Variants in PPP2R5C observed in about 807,000 individuals in gnomAD.
PPP2R5C encodes the protein serine/threonine-protein phosphatase 2A 56 kDa regulatory subunit gamma isoform.
PPP2R5C carries 7 observed loss-of-function variants against 68.9 expected under a neutral mutation model. That is an observed-to-expected ratio of 0.10 (90% CI 0.06 to 0.19). The LOEUF is 0.19. PPP2R5C is among the 10% of genes least tolerant of loss of function. PPP2R5C has a pLI of 1.00. For synonymous variants in PPP2R5C, 210 were observed against 222.2 expected, an observed-to-expected ratio of 0.95 and a Z score of 0.49; for missense variants, 348 against 641.3, an observed-to-expected ratio of 0.54 and a Z score of 4.94.
chr14:101,780,509 C>T (rs1438463241), intron 2 of PPP2R5C, among the ~76,000 whole-genome samples: 1 of 152,158 alleles, frequency 6.6e-6, no homozygotes, highest in African/African-American at 2.4e-5. Context: ...TGTAACAGGG[C>T]CCACAGCAGA....
At chr14:101,771,501 C>T (rs185732208) in intron 2 of PPP2R5C, among the ~76,000 whole-genome samples, 4 of 152,154 alleles carry the variant, frequency 2.6e-5, no homozygotes, top group Admixed American at 6.5e-5. Context: ...GAGGCCCAGG[C>T]GGGTGGATCA....
At position 101,899,911 on chromosome 14, in the gene PPP2R5C, T is replaced by C. The variant is rs2045579292; in HGVS notation, c.853-1808T>C. 6.6e-6 allele frequency among the ~76,000 whole-genome samples: 1 copy of C among 151,996 alleles called. No individual in the cohort carries two copies. Among genetic ancestry groups the C allele is most frequent in the African/African-American group, 2.4e-5 (1 of 41,392 alleles). ...TTATTTTTATTTGGCTCTTTTGGGG[T>C]TTTTGTTTGTTTGTTAGATTCTTGG... On this transcript the variant is annotated intron_variant, in intron 8 of 13. Transcript: ENST00000334743. This position sits in a 1 kb window ranked among gnomAD's most constrained non-coding sequence, Gnocchi z 4.2.
At chr14:101,823,980 ATTAAC>A in intron 1 of PPP2R5C, 1 of 1,289,086 alleles carries the variant, frequency 7.8e-7, no homozygotes. Flanking sequence ...TATGGATGAA[ATTAAC>A]TTATCTGAGC....
intron 5 of PPP2R5C, among the ~76,000 whole-genome samples, chr14:101,889,097 A>G (rs1414536281): frequency 6.6e-6 from 1 of 152,244 alleles, no homozygotes; most frequent in Non-Finnish European, 1.5e-5. Context: ...GAACATAGAA[A>G]TGTTAAGACC....
chr14:101,823,350 T>C (rs922310593), intron 1 of PPP2R5C, among the ~76,000 whole-genome samples: 7 of 152,188 alleles, frequency 4.6e-5, no homozygotes, highest in Admixed American at 2.6e-4. Context: ...TTTGATTTAT[T>C]TTGTATTATC....
intron 1 of PPP2R5C, among the ~76,000 whole-genome samples, chr14:101,822,773 G>A (rs531679902): frequency 6.6e-5 from 10 of 152,176 alleles, no homozygotes; most frequent in African/African-American, 1.7e-4. Flanking sequence ...AATCTTATGC[G>A]TCATTTAAAT....
chr14:101,845,100 C>G (rs1300058656), intron 1 of PPP2R5C, among the ~76,000 whole-genome samples: 3 of 151,636 alleles, frequency 2.0e-5, no homozygotes, highest in African/African-American at 7.3e-5. Context: ...ATCTTTATCC[C>G]TAGGAGTTTG....
At chr14:101,927,430 A>G (rs994843562) in exon 14 of PPP2R5C, 1 of 152,666 alleles carries the variant, frequency 6.6e-6, no homozygotes, top group Non-Finnish European at 1.5e-5. Flanking sequence ...TTGTCAGCTT[A>G]CATATCATTG....
At chr14:101,902,661 G>A (rs1029520252) in intron 9 of PPP2R5C, among the ~76,000 whole-genome samples, 1 of 152,226 alleles carries the variant, frequency 6.6e-6, no homozygotes, top group Non-Finnish European at 1.5e-5. Flanking sequence ...AACGTGAAGG[G>A]CCAGGTGGCG....
At position 101,906,024 on chromosome 14, in the gene PPP2R5C, G is replaced by A. The variant is rs1194369111; in HGVS notation, c.1024-378G>A. Among the ~76,000 whole-genome samples the A allele has an allele frequency of 6.6e-6, 1 of 152,220 alleles. No homozygotes were observed. Among genetic ancestry groups the A allele is most frequent in the Non-Finnish European group, 1.5e-5 (1 of 68,042 alleles). The stretch of plus-strand genomic sequence containing the variant: ...GAGTCAAGGATTTCTGCCTTGCTTT[G>A]TTCAGTGCTGAATGCTCAGCAGAAC... On this transcript the variant is annotated intron_variant, in intron 9 of 13. Transcript: ENST00000334743. The surrounding 1 kb of genome is among the most constrained non-coding windows in gnomAD (Gnocchi z 4.0).
At chr14:101,774,814 T>C (rs2037333698) in intron 2 of PPP2R5C, among the ~76,000 whole-genome samples, 1 of 152,242 alleles carries the variant, frequency 6.6e-6, no homozygotes, top group South Asian at 2.1e-4. Flanking sequence ...ATTGTTGTCC[T>C]GGCACGAGAA....
At chr14:101,836,686 C>T (rs905704962) in intron 1 of PPP2R5C, 10 of 305,236 alleles carry the variant, frequency 3.3e-5, no homozygotes, top group Non-Finnish European at 6.1e-5. Context: ...AAATTAAACA[C>T]ACATGGATCT....
chr14:101,832,950 AC>A (rs1396096344), intron 1 of PPP2R5C, among the ~76,000 whole-genome samples: 2 of 152,214 alleles, frequency 1.3e-5, no homozygotes, highest in Non-Finnish European at 2.9e-5. Flanking sequence ...GGGAGTGATA[AC>A]AGTTTCTCTC....
chr14:101,924,350 GTA>G (rs2047167524), intron 13 of PPP2R5C, among the ~76,000 whole-genome samples: 1 of 151,044 alleles, frequency 6.6e-6, no homozygotes, highest in Non-Finnish European at 1.5e-5. Context: ...GGAGAAGAGA[GTA>G]TATATTTTTT....
intron 3 of PPP2R5C, among the ~76,000 whole-genome samples, chr14:101,793,589 C>T (rs2038467976): frequency 6.6e-6 from 1 of 152,226 alleles, no homozygotes. Flanking sequence ...GCAGCGTCTT[C>T]AGGGGTCCCT....
chr14:101,885,909 A>G (rs2140921235), intron 5 of PPP2R5C, among the ~76,000 whole-genome samples: 1 of 152,362 alleles, frequency 6.6e-6, no homozygotes, highest in East Asian at 1.9e-4. Context: ...GCTCTACCTA[A>G]CATATTTCTG....
intron 2 of PPP2R5C, among the ~76,000 whole-genome samples, chr14:101,780,605 C>G (rs1412327024): frequency 1.3e-5 from 2 of 152,112 alleles, no homozygotes; most frequent in African/African-American, 4.8e-5. Flanking sequence ...TCCCTGGTTC[C>G]CTGCGTCCAG....
intron 1 of PPP2R5C, chr14:101,823,792 C>G: frequency 8.8e-7 from 1 of 1,132,228 alleles, no homozygotes; most frequent in Non-Finnish European, 1.1e-6. Flanking sequence ...CCTGCTCTTG[C>G]AGGTTTCTTT....
intron 2 of PPP2R5C, among the ~76,000 whole-genome samples, chr14:101,777,898 G>T (rs1374810395): frequency 6.6e-6 from 1 of 151,490 alleles, no homozygotes; most frequent in African/African-American, 2.4e-5. Context: ...TCAGCTTCCT[G>T]AGTAGCTGGG....
Sources: gnomAD v4.1 joint callset for allele counts (sites outside exome capture counted in the v4.1 genomes callset) on GRCh38, gnomAD v4.1.1 for gene constraint, Gnocchi (gnomAD v3.1) non-coding constraint, MANE v1.5 for transcripts, NCBI Gene and HGNC (gene_info 2026-07-23, HGNC 2026-07-21) for gene names.